SHISAL2B: variants seen among roughly 807,000 people sequenced by gnomAD.
The protein encoded by SHISAL2B is shisa like 2B.
SHISAL2B carries 12 observed loss-of-function variants against 16.5 expected under a neutral mutation model. The observed-to-expected ratio is 0.73, with a 90% CI of 0.47 to 1.18. The LOEUF is 1.18. Ranked by LOEUF, SHISAL2B falls within the 50% of genes most tolerant of loss-of-function variation. The probability of loss-of-function intolerance (pLI) is 0.00; values close to 1 mark genes in which losing one functional copy is unlikely to be tolerated. For missense variants in SHISAL2B, 183 were observed against 193.6 expected (o/e 0.95, Z 0.33); for synonymous variants, 72 against 75.0 (o/e 0.96, Z 0.21).
intron 2 of SHISAL2B, among the ~76,000 whole-genome samples, chr5:64,712,952 T>C (rs549685412): frequency 1.3e-5 from 2 of 152,118 alleles, no homozygotes; most frequent in Non-Finnish European, 2.9e-5. Context: ...TGAGATGGGT[T>C]TCCTGAATAC....
chr5:64,690,686 C>T lies in SHISAL2B; in HGVS notation c.63C>T (p.Pro21=). 6.5e-7 allele frequency: 1 copy of T among 1,534,976 alleles called. No individual in the cohort carries two copies. The highest frequency in any genetic ancestry group is 8.7e-7 in the Non-Finnish European group (1 of 1,146,192). ...GCCTCAACCAGAGCTTCGTGGAGCC[C>T]TTCCAGTGCCCCCGGCGCGGCGAGG... ...YYSLNQSFVE[P]FQCPRRGEGA... The change falls in exon 1 of 3, where the codon CCC becomes CCT. Residue 21 remains proline (P), a synonymous_variant. Transcript: ENST00000389074.
intron 1 of SHISAL2B, among the ~76,000 whole-genome samples, chr5:64,692,120 G>A (rs192275300): frequency 2.6e-5 from 4 of 152,224 alleles, no homozygotes; most frequent in Non-Finnish European, 5.9e-5. Flanking sequence ...TAGATTACAT[G>A]GGGAAGAAAT....
At chr5:64,707,686 A>G (rs1741893241) in intron 2 of SHISAL2B, among the ~76,000 whole-genome samples, 1 of 152,240 alleles carries the variant, frequency 6.6e-6, no homozygotes, top group African/African-American at 2.4e-5. Context: ...AATTTTGTTT[A>G]CAGGAGTATA....
intron 2 of SHISAL2B, among the ~76,000 whole-genome samples, chr5:64,697,956 G>T (rs563999960): frequency 4.6e-4 from 70 of 152,172 alleles, no homozygotes; most frequent in South Asian, 1.0e-3. Flanking sequence ...AGAACAAGGG[G>T]GCCAAGATTC....
At chr5:64,706,061 A>G (rs1483733857) in intron 2 of SHISAL2B, among the ~76,000 whole-genome samples, 1 of 152,164 alleles carries the variant, frequency 6.6e-6, no homozygotes, top group African/African-American at 2.4e-5. Flanking sequence ...CTTGGGAGGC[A>G]AGGCAGGAGA....
intron 2 of SHISAL2B, among the ~76,000 whole-genome samples, chr5:64,700,405 T>A (rs1741792888): frequency 6.6e-6 from 1 of 152,088 alleles, no homozygotes; most frequent in Non-Finnish European, 1.5e-5. Flanking sequence ...ATCCTTCCAT[T>A]TTATTTATTT....
chr5:64,701,217 G>C (rs973309980), intron 2 of SHISAL2B, among the ~76,000 whole-genome samples: 1 of 152,106 alleles, frequency 6.6e-6, no homozygotes, highest in East Asian at 1.9e-4. Context: ...TTTGATCCAT[G>C]GTTGGTTGAA....
chr5:64,703,851 TTTATATAC>T (rs1741843082), intron 2 of SHISAL2B, among the ~76,000 whole-genome samples: 1 of 152,164 alleles, frequency 6.6e-6, no homozygotes, highest in South Asian at 2.1e-4. Flanking sequence ...GTGAGATCTC[TTTATATAC>T]TTGAGGGGAA....
chr5:64,694,704 T>TA (rs1741705470), intron 1 of SHISAL2B, among the ~76,000 whole-genome samples: 1 of 152,242 alleles, frequency 6.6e-6, no homozygotes, highest in Admixed American at 6.5e-5. Context: ...ATTTCACAAA[T>TA]ACGATTTTCC....
intron 2 of SHISAL2B, among the ~76,000 whole-genome samples, chr5:64,714,530 G>GAGGC (rs1327086037): frequency 6.6e-6 from 1 of 151,846 alleles, no homozygotes; most frequent in African/African-American, 2.4e-5. Flanking sequence ...GGAGCCTACA[G>GAGGC]AGGCAGGCAG....
At chr5:64,692,873 G>A (rs1257259453) in intron 1 of SHISAL2B, among the ~76,000 whole-genome samples, 1 of 152,094 alleles carries the variant, frequency 6.6e-6, no homozygotes, top group Non-Finnish European at 1.5e-5. Flanking sequence ...AGGGAAATAA[G>A]GTCTATTGGA....
rs754789826 is a variant in SHISAL2B at position 64,690,740 on chromosome 5, C to T, written c.117C>T (p.Phe39=). The T allele has an allele frequency of 1.2e-5, 19 of 1,539,556 alleles. No homozygotes were observed. The highest frequency in any genetic ancestry group is 1.7e-4 in the Middle Eastern group (1 of 6,018). Residue 39 remains phenylalanine (F), a synonymous_variant, in exon 1 of 3, where the codon TTC becomes TTT. Coordinates refer to ENST00000389074, the MANE Select transcript of SHISAL2B (RefSeq NM_001164442.2). ...CAGCGCTCCAGTATTGCTGCGGCTTCGCCGACCTCAAGTACTGCTGCAGCG... is the reference window on the plus strand; with the variant it reads ...CAGCGCTCCAGTATTGCTGCGGCTTTGCCGACCTCAAGTACTGCTGCAGCG... ...EGAALQYCCG[F]ADLKYCCSEP... is the part of the protein sequence containing the mutation.
At chr5:64,715,768 T>G (rs1742040562) in intron 2 of SHISAL2B, among the ~76,000 whole-genome samples, 1 of 152,208 alleles carries the variant, frequency 6.6e-6, no homozygotes, top group African/African-American at 2.4e-5. Flanking sequence ...TCTAAGCACA[T>G]TCCATGTAAT....
rs1741721368 is a variant in SHISAL2B, at chr5:64,695,576, C to T, written c.261C>T (p.Val87=). 6.5e-7 allele frequency: 1 copy of T among 1,536,492 alleles called. No individual in the cohort carries two copies. ...TCGCCTTTGTCATCAGTGTCTGTGTCCTTTGCTATTTATTTCTGTATACGA... is the reference window on the plus strand; with the variant it reads ...TCGCCTTTGTCATCAGTGTCTGTGTTCTTTGCTATTTATTTCTGTATACGA... ...VLLAFVISVC[V]LCYLFLYTKP... is the part of the protein sequence containing the mutation. Residue 87 remains valine (V), a synonymous_variant, in exon 2 of 3, where the codon GTC becomes GTT. Coordinates refer to ENST00000389074, the MANE Select transcript of SHISAL2B (RefSeq NM_001164442.2).
intron 1 of SHISAL2B, among the ~76,000 whole-genome samples, chr5:64,693,012 CCTTT>C (rs940873770): frequency 6.6e-6 from 1 of 151,740 alleles, no homozygotes; most frequent in Non-Finnish European, 1.5e-5. Context: ...CATTTCTTCT[CCTTT>C]TTTTTTTTTG....
chr5:64,715,825 A>G (rs1296309618), intron 2 of SHISAL2B, among the ~76,000 whole-genome samples: 1 of 152,236 alleles, frequency 6.6e-6, no homozygotes, highest in African/African-American at 2.4e-5. Context: ...TGGCTGCATG[A>G]TATCTCAGGC....
intron 2 of SHISAL2B, among the ~76,000 whole-genome samples, chr5:64,703,371 C>A (rs275833): frequency 6.6e-6 from 1 of 152,014 alleles, no homozygotes. Flanking sequence ...AATAGAAAGA[C>A]GTTTTTATTT....
chr5:64,709,617 ACTTCCAC>A (rs1741926518), intron 2 of SHISAL2B, among the ~76,000 whole-genome samples: 1 of 150,946 alleles, frequency 6.6e-6, no homozygotes. Flanking sequence ...CGCCACAGTG[ACTTCCAC>A]AATGGTTGAA....
chr5:64,711,433 G>A (rs1487911692), intron 2 of SHISAL2B, among the ~76,000 whole-genome samples: 16 of 147,484 alleles, frequency 1.1e-4, no homozygotes, highest in Admixed American at 2.7e-4. Context: ...TGCTGGATTC[G>A]GTTTGCCAGT....
Sources: gnomAD v4.1 joint callset for allele counts (sites outside exome capture counted in the v4.1 genomes callset) on GRCh38, gnomAD v4.1.1 for gene constraint, MANE v1.5 for transcripts, NCBI Gene and HGNC (gene_info 2026-07-23, HGNC 2026-07-21) for gene names.